Variants in GBP2 observed in about 807,000 individuals in gnomAD.
GBP2 encodes guanylate binding protein 2, also known as guanylate-binding protein 2.
GBP2 carries 54 observed loss-of-function variants against 60.8 expected under a neutral mutation model. The observed-to-expected ratio is 0.89, with a 90% CI of 0.71 to 1.11. GBP2 has a LOEUF of 1.11. Among genes scored for constraint, GBP2 ranks in the 50% most tolerant of loss-of-function variants. The probability of loss-of-function intolerance (pLI) is 0.00; values close to 1 mark genes in which losing one functional copy is unlikely to be tolerated. For missense variants in GBP2, 665 were observed against 703.3 expected (o/e 0.95, Z 0.62); for synonymous variants, 243 against 256.5 (o/e 0.95, Z 0.50).
intron 1 of GBP2, among the ~76,000 whole-genome samples, chr1:89,124,469 T>G (rs1247576715): frequency 6.6e-6 from 1 of 152,220 alleles, no homozygotes; most frequent in Non-Finnish European, 1.5e-5. Context: ...TTTAGATATT[T>G]GGACTGAGCA....
Position 89,109,747 on chromosome 1 carries a change from G to C in GBP2, c.1589C>G (p.Thr530Ser). The C allele has an allele frequency of 6.2e-7, 1 of 1,614,076 alleles. No individual in the cohort carries two copies. Among genetic ancestry groups the C allele is most frequent in the South Asian group, 1.1e-5 (1 of 91,088 alleles). ...GGCCCTGTCCCTCTCCATCTTCTCAGTCAATTGTTTCACATGTTCCTGATA... is the reference window on the plus strand; with the variant it reads ...GGCCCTGTCCCTCTCCATCTTCTCACTCAATTGTTTCACATGTTCCTGATA... ...KSYQEHVKQL[T>S]EKMERDRAQL... Residue 530 changes from threonine to serine, a missense_variant, in exon 10 of 11, where the codon ACT becomes AGT. Transcript: ENST00000370466.
In GBP2 at chr1:89,117,115, C is replaced by T. The variant is rs1174515641; in HGVS notation, c.745G>A (p.Glu249Lys). The change falls in exon 6 of 11, where the codon GAG (glutamate) becomes AAG (lysine). Residue 249 changes from glutamate (E) to lysine (K), a missense_variant. Glu to Lys is a moderately conservative substitution (Grantham distance 56). Transcript: ENST00000370466. ...TTCAGCTCTTCCTCCTTTAGCTGCT[C>T]TAGGTGAGCAAGGTACTTCTTAGGA... is the stretch of plus-strand genomic sequence containing the variant. ...PAPKKYLAHLEQLKEEELNPD... is the reference protein window; with the variant it reads ...PAPKKYLAHLKQLKEEELNPD... The T allele has an allele frequency of 1.9e-6, 3 of 1,614,156 alleles. No individual in the cohort carries two copies. The African/African-American group carries it at 4.0e-5, about 22-fold the overall frequency.
rs1681073203 is a variant in GBP2 at position 89,107,152 on chromosome 1, T to A, written c.*1023A>T. The A allele has an allele frequency of 6.6e-6, 1 of 152,136 alleles. No homozygotes were observed. Among genetic ancestry groups the A allele is most frequent in the South Asian group, 2.1e-4 (1 of 4,820 alleles). The allele number at this position is 152,136 out of a possible 1,614,324, so 9.4% of individuals were successfully genotyped here. On this transcript the variant is annotated 3_prime_UTR_variant, in exon 11 of 11. Coordinates refer to ENST00000370466, the MANE Select transcript of GBP2 (RefSeq NM_004120.5). ...AATAATACACATCCTGAAACAATTG[T>A]AGTAGGATAATGTTTTGTATTAATG...
Position 89,112,335 on chromosome 1 carries a change from T to G in GBP2, c.1362+137A>C, listed in dbSNP as rs1681183712. On this transcript the variant is annotated intron_variant, in intron 8 of 10. Transcript: ENST00000370466. ...TTCCTGTTATGGTGGGCTCTCTTAT[T>G]GAATGAATCAGTAAATGGAAAAATG... 4.2e-6 allele frequency: 3 copies of G among 706,200 alleles called. No individual in the cohort carries two copies. The African/African-American group carries it at 5.3e-5, about 13-fold the overall frequency. The allele number at this position is 706,200 out of a possible 1,614,324, so 43.7% of individuals were successfully genotyped here. A position where few individuals can be genotyped will look rare whatever the true frequency, so the allele number is the denominator to read the frequency against.
At chr1:89,109,947 T>C (rs1681131371) in intron 9 of GBP2, 77 bp from the exon 10 acceptor site, 3 of 1,365,862 alleles carry the variant, frequency 2.2e-6, no homozygotes, top group Non-Finnish European at 3.0e-6. Flanking sequence ...CTCGTTTTTG[T>C]TTGTCTTATC....
In GBP2 at chr1:89,114,276, T is replaced by A; in HGVS notation, c.889A>T (p.Thr297Ser). 1.2e-6 allele frequency: 2 copies of A among 1,614,220 alleles called. No homozygotes were observed. The highest frequency in any genetic ancestry group is 1.7e-5 in the Admixed American group (1 of 60,030). The change falls in exon 7 of 11, where the codon ACC (threonine) becomes TCC (serine). Residue 297 changes from threonine (T) to serine (S), a missense_variant. By Grantham distance (58) the Thr-to-Ser change is moderately conservative. Coordinates refer to ENST00000370466, the MANE Select transcript of GBP2 (RefSeq NM_004120.5). The stretch of plus-strand genomic sequence containing the variant: ...CCACTGCTGATGGCATTGACGTAGG[T>A]CAGCACCAGGCTCTCTAGACCTGCA... ...NGPRLESLVL[T>S]YVNAISSGDL...
At chr1:89,111,537 T>G (rs1461785524) in intron 8 of GBP2, among the ~76,000 whole-genome samples, 1 of 151,806 alleles carries the variant, frequency 6.6e-6, no homozygotes, top group Non-Finnish European at 1.5e-5. Context: ...AACCATTGCA[T>G]GTTCTCACTT....
At chr1:89,116,919 C>G (rs1681283288) in intron 6 of GBP2, 73 bp downstream of exon 6, 1 of 1,509,146 alleles carries the variant, frequency 6.6e-7, no homozygotes, top group African/African-American at 1.4e-5. Flanking sequence ...GACCCTTATG[C>G]TTTCCATTTT....
chr1:89,106,747 A>G lies in GBP2; in HGVS notation c.*1428T>C, dbSNP rs1295856296. On this transcript the variant is annotated 3_prime_UTR_variant, in exon 11 of 11. Transcript: ENST00000370466. ...TTCTCAGACTTTCCCATGGGTAGGC[A>G]TATGATTTAGATTCTTCCCTGCAGA... 6.6e-6 allele frequency: 1 copy of G among 152,218 alleles called. No individual in the cohort carries two copies. The highest frequency in any genetic ancestry group is 1.5e-5 in the Non-Finnish European group (1 of 68,032). The allele number at this position is 152,218 out of a possible 1,614,324, so 9.4% of individuals were successfully genotyped here. A position where few individuals can be genotyped will look rare whatever the true frequency, so the allele number is the denominator to read the frequency against.
At chr1:89,108,536 AAC>A (rs1681098822) in intron 10 of GBP2, among the ~76,000 whole-genome samples, 1 of 152,312 alleles carries the variant, frequency 6.6e-6, no homozygotes, top group African/African-American at 2.4e-5. Context: ...GCACTCATGC[AAC>A]ACAGTCTTTC....
chr1:89,121,530 T>G (rs982386728), intron 2 of GBP2, among the ~76,000 whole-genome samples: 8 of 152,276 alleles, frequency 5.3e-5, no homozygotes, highest in Middle Eastern at 3.4e-3. Flanking sequence ...ATTATAGAAG[T>G]TAATTTTCTT....
chr1:89,125,069 C>T (rs1261144728), intron 1 of GBP2, among the ~76,000 whole-genome samples: 1 of 152,160 alleles, frequency 6.6e-6, no homozygotes, highest in Non-Finnish European at 1.5e-5. Flanking sequence ...AGCAAGAAGC[C>T]TTCCTGTAGT....
chr1:89,114,929 C>T (rs1681239111), intron 6 of GBP2, among the ~76,000 whole-genome samples: 1 of 152,134 alleles, frequency 6.6e-6, no homozygotes, highest in Non-Finnish European at 1.5e-5. Context: ...GTATGGATGG[C>T]TGGTGTATTT....
intron 4 of GBP2, chr1:89,119,864 T>C (rs928857498): frequency 3.9e-6 from 1 of 259,472 alleles, no homozygotes; most frequent in Non-Finnish European, 7.4e-6. Flanking sequence ...GAGCAGATGA[T>C]AAGAATATAG....
In GBP2 at chr1:89,125,478, A is replaced by T. The variant is rs1360106922; in HGVS notation, c.-18+385T>A. ...AAAAGTAGCTGCACAAAGACTGTATAAGCTCCCTAATTATAATAACGTGTT... is the reference window on the plus strand; with the variant it reads ...AAAAGTAGCTGCACAAAGACTGTATTAGCTCCCTAATTATAATAACGTGTT... On this transcript the variant is annotated intron_variant, in intron 1 of 10. Coordinates refer to ENST00000370466, the MANE Select transcript of GBP2 (RefSeq NM_004120.5). Among the ~76,000 whole-genome samples, 4 of 152,184 alleles carry T rather than the reference A, an allele frequency of 2.6e-5. No homozygotes were observed. In the East Asian group the frequency reaches 5.8e-4, roughly 22 times the overall value.
intron 8 of GBP2, among the ~76,000 whole-genome samples, chr1:89,111,863 T>A (rs960385439): frequency 1.3e-4 from 20 of 152,174 alleles, no homozygotes; most frequent in African/African-American, 4.8e-4. Flanking sequence ...CCATTTTCAA[T>A]GATGTGATTA....
chr1:89,120,944 A>G (rs1393651461), intron 3 of GBP2, among the ~76,000 whole-genome samples, 199 bp downstream of exon 3: 1 of 152,180 alleles, frequency 6.6e-6, no homozygotes. Flanking sequence ...AGGTTTACCC[A>G]TAATTAATCA....
Position 89,124,276 on chromosome 1 carries a change from C to T in GBP2, c.-18+1587G>A, listed in dbSNP as rs964061940. 3.9e-5 allele frequency among the ~76,000 whole-genome samples: 6 copies of T among 152,158 alleles called. No individual in the cohort carries two copies. In the East Asian group the frequency reaches 1.2e-3, roughly 29 times the overall value. On this transcript the variant is annotated intron_variant, in intron 1 of 10. Coordinates refer to ENST00000370466, the MANE Select transcript of GBP2 (RefSeq NM_004120.5). ...CATCCTATAAGTGAGATTGCCAGGT[C>T]AAAAGGTAAGAGCATTTTATTTTGT...
chr1:89,120,251 G>T lies in GBP2; in HGVS notation c.356C>A (p.Ala119Asp). 1.9e-6 allele frequency: 3 copies of T among 1,613,922 alleles called. No homozygotes were observed. Among genetic ancestry groups the T allele is most frequent in the Non-Finnish European group, 2.5e-6 (3 of 1,179,848 alleles). Residue 119 changes from alanine (A) to aspartate (D), a missense_variant, in exon 4 of 11, where the codon GCC becomes GAC. Coordinates refer to ENST00000370466, the MANE Select transcript of GBP2 (RefSeq NM_004120.5). ...NENDSWIFAL[A>D]ILLSSTFVYN... ...CACGAAGGTGCTGCTCAGGAGGATG[G>T]CCAAGGCAAAGATCCAGGAGTCATT...
Sources: gnomAD v4.1 joint callset for allele counts (sites outside exome capture counted in the v4.1 genomes callset) on GRCh38, gnomAD v4.1.1 for gene constraint, MANE v1.5 for transcripts, NCBI Gene and HGNC (gene_info 2026-07-23, HGNC 2026-07-21) for gene names.